ZZEF1: variants seen among roughly 807,000 people sequenced by gnomAD.
The protein encoded by ZZEF1 is zinc finger ZZ-type and EF-hand domain-containing protein 1.
ZZEF1 carries 157 observed loss-of-function variants against 342.8 expected under a neutral mutation model. That is an observed-to-expected ratio of 0.46 (90% CI 0.40 to 0.52). The LOEUF is 0.52. ZZEF1 is among the 20% of genes least tolerant of loss of function. The pLI, the probability that ZZEF1 is intolerant of heterozygous loss-of-function variation, is 0.00. For missense variants in ZZEF1, 3,480 were observed against 3,725.6 expected (o/e 0.93, Z 1.72); for synonymous variants, 1,505 against 1,429.1 (o/e 1.05, Z -1.20).
At chr17:4,132,445 T>C (rs2058675092) in intron 1 of ZZEF1, among the ~76,000 whole-genome samples, 1 of 152,158 alleles carries the variant, frequency 6.6e-6, no homozygotes, top group African/African-American at 2.4e-5. Flanking sequence ...CCGCCTGTAA[T>C]CCCAGCACTT....
At chr17:4,032,761 A>T in intron 41 of ZZEF1, 67 bp downstream of exon 41, 1 of 1,531,360 alleles carries the variant, frequency 6.5e-7, no homozygotes, top group Non-Finnish European at 8.9e-7. Context: ...GAAGCCACAG[A>T]GGCTTTGGTG....
chr17:4,029,105 T>C (rs1409258969), intron 42 of ZZEF1, among the ~76,000 whole-genome samples: 1 of 152,220 alleles, frequency 6.6e-6, no homozygotes, highest in African/African-American at 2.4e-5. Flanking sequence ...ACATTATCCA[T>C]TGACTTGACC....
At chr17:4,105,876 GTTA>G in intron 6 of ZZEF1, 67 bp from the exon 7 acceptor site, 1 of 1,313,112 alleles carries the variant, frequency 7.6e-7, no homozygotes, top group East Asian at 2.4e-5. Flanking sequence ...AAAATAAACT[GTTA>G]GAAGCTTGTT....
intron 42 of ZZEF1, among the ~76,000 whole-genome samples, chr17:4,029,446 TA>T (rs1230729486): frequency 6.8e-6 from 1 of 146,066 alleles, no homozygotes; most frequent in Admixed American, 6.8e-5. Context: ...CAATATATCA[TA>T]AAAAAAAATT....
rs1057320263 is a variant in ZZEF1, at chr17:4,030,860, C to A, written c.6892+1266G>T. ...TCTGAAAAAGAGCAAAGCTGAAAGA[C>A]CTGATTTCAAAATTTTATACAAATT... On this transcript the variant is annotated intron_variant, in intron 42 of 54. Coordinates refer to ENST00000381638, the MANE Select transcript of ZZEF1 (RefSeq NM_015113.4). Among the ~76,000 whole-genome samples, 26 of 152,160 alleles carry A rather than the reference C, an allele frequency of 1.7e-4. 1 individual carries two copies. The highest frequency in any genetic ancestry group is 6.3e-4 in the African/African-American group (26 of 41,426).
chr17:4,096,745 T>G, intron 9 of ZZEF1, 45 bp from the exon 10 acceptor site: 1 of 1,487,024 alleles, frequency 6.7e-7, no homozygotes. Context: ...CCCATTTTTA[T>G]AGCCCTAAGA....
At chr17:4,071,838 G>A (rs2145276527) in intron 25 of ZZEF1, among the ~76,000 whole-genome samples, 1 of 152,232 alleles carries the variant, frequency 6.6e-6, no homozygotes, top group Non-Finnish European at 1.5e-5. Flanking sequence ...CAGACCTGGA[G>A]ACTGATATTA....
At chr17:4,129,481 A>G (rs1445393596) in intron 1 of ZZEF1, among the ~76,000 whole-genome samples, 1 of 152,180 alleles carries the variant, frequency 6.6e-6, no homozygotes, top group Non-Finnish European at 1.5e-5. Context: ...ATCAACCTAA[A>G]TGCCCATCAA....
chr17:4,104,605 T>C (rs2058179584), intron 8 of ZZEF1, 28 bp downstream of exon 8: 1 of 1,610,164 alleles, frequency 6.2e-7, no homozygotes, highest in Non-Finnish European at 8.5e-7. Flanking sequence ...TTGACATTTC[T>C]ATCACCCCCA....
At chr17:4,047,471 C>G (rs2056943703) in intron 37 of ZZEF1, among the ~76,000 whole-genome samples, 1 of 151,968 alleles carries the variant, frequency 6.6e-6, no homozygotes, top group South Asian at 2.1e-4. Context: ...TGGCAAAACC[C>G]CATCCCTACA....
Position 4,058,030 on chromosome 17 carries a change from G to A in ZZEF1, c.5129C>T (p.Ser1710Leu), listed in dbSNP as rs760257723. Residue 1710 changes from serine to leucine, a missense_variant, in exon 32 of 55, where the codon TCA (serine) becomes TTA (leucine). Transcript: ENST00000381638. ...GTCATGGACACTTATATTCTCCTGT[G>A]ACATTTTCATGAGGAGATCTGGTAA... ...IQLPDLLMKM[S>L]QENISVHDSV... The A allele has an allele frequency of 6.2e-7, 1 of 1,614,144 alleles. No individual in the cohort carries two copies. Among genetic ancestry groups the A allele is most frequent in the Non-Finnish European group, 8.5e-7 (1 of 1,180,010 alleles).
At position 4,052,266 on chromosome 17, in the gene ZZEF1, C is replaced by T. The variant is rs901195129; in HGVS notation, c.5435-130G>A. Reference sequence around the variant, plus strand: ...TGCTCAGGGATACAGGGCCCACAGGCGTTCTCTGGAGACAGGGTGCTCTGC... The same window carrying T: ...TGCTCAGGGATACAGGGCCCACAGGTGTTCTCTGGAGACAGGGTGCTCTGC... On this transcript the variant is annotated intron_variant, in intron 34 of 54. Transcript: ENST00000381638. 38 of 863,616 alleles carry T rather than the reference C, an allele frequency of 4.4e-5. No homozygotes were observed. In the East Asian group the frequency reaches 7.3e-4, roughly 17 times the overall value. 53.5% of individuals were successfully genotyped at this position (863,616 alleles called of 1,614,324 possible). A position where few individuals can be genotyped will look rare whatever the true frequency, so the allele number is the denominator to read the frequency against.
intron 1 of ZZEF1, among the ~76,000 whole-genome samples, chr17:4,128,233 A>T (rs2058603854): frequency 6.6e-6 from 1 of 151,278 alleles, no homozygotes; most frequent in African/African-American, 2.4e-5. Context: ...ATGTAATCCC[A>T]GCTACTCAGG....
chr17:4,032,239 C>A lies in ZZEF1; in HGVS notation c.6779G>T (p.Arg2260Leu). 1 of 1,612,878 alleles carries A rather than the reference C, an allele frequency of 6.2e-7. No homozygotes were observed. The highest frequency in any genetic ancestry group is 1.3e-5 in the African/African-American group (1 of 74,930). Residue 2260 changes from arginine (R) to leucine (L), a missense_variant, in exon 42 of 55, where the codon CGC becomes CTC. Physicochemically the swap from Arg to Leu is moderately radical, Grantham distance 102 (BLOSUM62 -2). Transcript: ENST00000381638. ...ATTGGCATTATCCATATAAACGCAG[C>A]GGGTTCCCACACAGAGGACCTAGAA... ...GFPQVLCVGT[R>L]CVYMDNANEP...
chr17:4,009,915 C>T (rs1487766203), intron 52 of ZZEF1, among the ~76,000 whole-genome samples, 158 bp from the exon 53 acceptor site: 1 of 152,070 alleles, frequency 6.6e-6, no homozygotes, highest in East Asian at 1.9e-4. Flanking sequence ...AAAGCAGCCA[C>T]GAATAGTCAC....
At position 4,142,923 on chromosome 17, in the gene ZZEF1, T is replaced by C; in HGVS notation, c.-28A>G. On this transcript the variant is annotated 5_prime_UTR_variant, in exon 1 of 55. Coordinates refer to ENST00000381638, the MANE Select transcript of ZZEF1 (RefSeq NM_015113.4). ...GGTCTCCGTCTTGGGCGCCTGGCTC[T>C]GCAGCCGCCGCCGCCGCCTCCCCGC... 7.7e-7 allele frequency: 1 copy of C among 1,303,032 alleles called. No homozygotes were observed. The highest frequency in any genetic ancestry group is 9.7e-7 in the Non-Finnish European group (1 of 1,029,148). The allele number at this position is 1,303,032 out of a possible 1,614,324, so 80.7% of individuals were successfully genotyped here. A position where few individuals can be genotyped will look rare whatever the true frequency, so the allele number is the denominator to read the frequency against.
intron 32 of ZZEF1, among the ~76,000 whole-genome samples, chr17:4,057,508 A>G (rs1223646929): frequency 6.6e-6 from 1 of 152,168 alleles, no homozygotes; most frequent in Non-Finnish European, 1.5e-5. Flanking sequence ...AATCGGAGGG[A>G]AAAAACCCTT....
intron 52 of ZZEF1, among the ~76,000 whole-genome samples, chr17:4,010,443 G>A (rs555304336): frequency 2.1e-4 from 32 of 151,728 alleles, no homozygotes; most frequent in Non-Finnish European, 4.4e-4. Flanking sequence ...AGATGTGGCC[G>A]GGCGCGGTAG....
At chr17:4,099,344 C>A (rs1249530922) in intron 9 of ZZEF1, among the ~76,000 whole-genome samples, 1 of 152,130 alleles carries the variant, frequency 6.6e-6, no homozygotes, top group Non-Finnish European at 1.5e-5. Context: ...CCTGCCTCAG[C>A]CTAAGTAGGC....
Sources: allele counts gnomAD v4.1 joint callset (sites outside exome capture counted in the v4.1 genomes callset), GRCh38; gene constraint gnomAD v4.1.1; transcripts MANE v1.5; gene names NCBI Gene and HGNC (gene_info 2026-07-23, HGNC 2026-07-21).